EPRS1: variants seen among roughly 807,000 people sequenced by gnomAD.
EPRS1 encodes glutamyl-prolyl-tRNA synthetase 1.
A neutral mutation model predicts 188.3 loss-of-function variants in EPRS1; 107 were observed. The ratio of observed to expected loss-of-function variants is 0.57; its 90% CI spans 0.49 to 0.67. The LOEUF is 0.67. EPRS1 is among the 30% of genes least tolerant of loss of function. The pLI is 0.00. For missense variants in EPRS1, 1,577 were observed against 1,802.2 expected (o/e 0.88, Z 2.26); for synonymous variants, 596 against 593.1 (o/e 1.00, Z -0.07).
rs368115475 is a variant in EPRS1 at position 220,032,552 on chromosome 1, A to G, written c.389-26T>C. 2.2e-5 allele frequency: 35 copies of G among 1,609,984 alleles called. No individual in the cohort carries two copies. In the African/African-American group the frequency reaches 4.0e-4, roughly 18 times the overall value. ...CTATGAGCAAAGATAATTTTAAACTATTCAATAAATCTGCAGCTTCAAAAG... is the reference window on the plus strand; with the variant it reads ...CTATGAGCAAAGATAATTTTAAACTGTTCAATAAATCTGCAGCTTCAAAAG... On this transcript the variant is annotated intron_variant, in intron 4 of 31. Coordinates refer to ENST00000366923, the MANE Select transcript of EPRS1 (RefSeq NM_004446.3).
intron 1 of EPRS1, among the ~76,000 whole-genome samples, chr1:220,041,788 C>T (rs1227750210): frequency 1.3e-5 from 2 of 151,584 alleles, no homozygotes; most frequent in Non-Finnish European, 2.9e-5. Context: ...TGTGGCAAGC[C>T]AAGATTGCAC....
intron 14 of EPRS1, 60 bp downstream of exon 14, chr1:220,007,142 T>G: frequency 6.9e-7 from 1 of 1,448,830 alleles, no homozygotes; most frequent in Non-Finnish European, 9.4e-7. Context: ...GTTTAATAAG[T>G]AAACACAAAT....
chr1:220,028,842 G>C (rs1375934485), intron 6 of EPRS1, among the ~76,000 whole-genome samples: 1 of 152,048 alleles, frequency 6.6e-6, no homozygotes, highest in African/African-American at 2.4e-5. Context: ...TGAAAAAATA[G>C]TAATTAAAGA....
At position 219,983,375 on chromosome 1, in the gene EPRS1, A is replaced by C; in HGVS notation, c.3114T>G (p.Ile1038Met). ...AACAGCCACTTATGTCATGGTATTC[A>C]ATCATTTCTGACTTTGTGATGACCT... Reference protein sequence around the residue: ...YSQVITKSEMIEYHDISGCYI... With the variant: ...YSQVITKSEMMEYHDISGCYI... Residue 1038 changes from isoleucine (I) to methionine (M), a missense_variant, in exon 22 of 32, where the codon ATT becomes ATG. Physicochemically the swap from Ile to Met is conservative, Grantham distance 10 (BLOSUM62 1). Coordinates refer to ENST00000366923, the MANE Select transcript of EPRS1 (RefSeq NM_004446.3). 1 of 1,613,208 alleles carries C rather than the reference A, an allele frequency of 6.2e-7. No individual in the cohort carries two copies. The highest frequency in any genetic ancestry group is 1.7e-5 in the Admixed American group (1 of 59,942).
chr1:219,986,741 T>G (rs928641979), intron 20 of EPRS1, among the ~76,000 whole-genome samples: 1 of 152,046 alleles, frequency 6.6e-6, no homozygotes, highest in Non-Finnish European at 1.5e-5. Context: ...TGTGTATAAT[T>G]AGGCTACCAA....
chr1:220,016,134 G>T (rs112300193), intron 12 of EPRS1, among the ~76,000 whole-genome samples: 1 of 151,884 alleles, frequency 6.6e-6, no homozygotes, highest in Non-Finnish European at 1.5e-5. Flanking sequence ...TCACGAGGTC[G>T]GGAGTTCGAG....
At chr1:220,043,480 T>C (rs766548291) in intron 1 of EPRS1, among the ~76,000 whole-genome samples, 4 of 152,064 alleles carry the variant, frequency 2.6e-5, no homozygotes, top group Non-Finnish European at 4.4e-5. Flanking sequence ...GCAAACATCA[T>C]AAAATCATAA....
intron 30 of EPRS1, among the ~76,000 whole-genome samples, chr1:219,970,749 G>A (rs1296482194): frequency 1.4e-5 from 2 of 147,526 alleles, no homozygotes; most frequent in Admixed American, 6.8e-5. Flanking sequence ...CTGTACTCCA[G>A]CCTGGGCAAC....
intron 10 of EPRS1, among the ~76,000 whole-genome samples, chr1:220,019,509 A>G (rs528177702): frequency 6.6e-6 from 1 of 152,360 alleles, no homozygotes; most frequent in East Asian, 1.9e-4. Context: ...AAATATATGT[A>G]GGAAATTAAT....
At chr1:219,978,483 C>A in intron 28 of EPRS1, 63 bp downstream of exon 28, 1 of 1,281,736 alleles carries the variant, frequency 7.8e-7, no homozygotes, top group Non-Finnish European at 1.1e-6. Flanking sequence ...TAAAAACATG[C>A]AGAGGAAAAT....
chr1:219,969,156 T>C (rs1558267409), intron 30 of EPRS1, 34 bp from the exon 31 acceptor site: 2 of 1,376,852 alleles, frequency 1.5e-6, no homozygotes, highest in Non-Finnish European at 2.1e-6. Flanking sequence ...TCAGTATTTA[T>C]AACTCCTTCA....
At chr1:219,996,477 G>GTGCTCTGAATCTA (rs1403206249) in intron 18 of EPRS1, among the ~76,000 whole-genome samples, 3 of 152,228 alleles carry the variant, frequency 2.0e-5, no homozygotes, top group African/African-American at 7.2e-5. Context: ...TATTCTCCAC[G>GTGCTCTGAATCTA]TGCTCTGAAT....
chr1:220,025,063 A>G, intron 7 of EPRS1, 69 bp downstream of exon 7: 1 of 1,405,118 alleles, frequency 7.1e-7, no homozygotes, highest in Non-Finnish European at 1.0e-6. Flanking sequence ...CATACCATGA[A>G]GGTATTAGGT....
intron 17 of EPRS1, among the ~76,000 whole-genome samples, chr1:219,998,995 GA>G (rs1661292180): frequency 6.7e-6 from 1 of 148,154 alleles, no homozygotes; most frequent in East Asian, 2.0e-4. Context: ...GTCAAATAAA[GA>G]AGCATGCAGG....
At chr1:220,040,149 A>G in intron 2 of EPRS1, 36 bp downstream of exon 2, 1 of 1,348,256 alleles carries the variant, frequency 7.4e-7, no homozygotes, top group East Asian at 2.3e-5. Context: ...AGAAAAAGCC[A>G]ATCAGTACTG....
chr1:219,986,526 G>C (rs1661009093), intron 20 of EPRS1, among the ~76,000 whole-genome samples: 1 of 152,102 alleles, frequency 6.6e-6, no homozygotes, highest in Admixed American at 6.6e-5. Context: ...GTCCACTGTT[G>C]ACTGACACAT....
chr1:220,008,107 CAA>C (rs55642831), intron 13 of EPRS1, among the ~76,000 whole-genome samples: 41 of 133,334 alleles, frequency 3.1e-4, no homozygotes, highest in African/African-American at 1.1e-3. Flanking sequence ...ACTCCGTCAC[CAA>C]AAAAAAAAAA....
Position 220,032,461 on chromosome 1 carries a change from C to G in EPRS1, c.454G>C (p.Gly152Arg). Residue 152 changes from glycine (G) to arginine (R), a missense_variant, in exon 5 of 32, where the codon GGC becomes CGC. Coordinates refer to ENST00000366923, the MANE Select transcript of EPRS1 (RefSeq NM_004446.3). ...AAGGCCTGCTGGGCTTCAAGAAAGCCAAACCAACGTTTTACATGAACTGGA... is the reference window on the plus strand; with the variant it reads ...AAGGCCTGCTGGGCTTCAAGAAAGCGAAACCAACGTTTTACATGAACTGGA... Reference protein sequence around the residue: ...KAPVHVKRWFGFLEAQQAFQS... With the variant: ...KAPVHVKRWFRFLEAQQAFQS... 4 of 1,613,818 alleles carry G rather than the reference C, an allele frequency of 2.5e-6. No homozygotes were observed. The highest frequency in any genetic ancestry group is 3.4e-6 in the Non-Finnish European group (4 of 1,179,928).
intron 27 of EPRS1, among the ~76,000 whole-genome samples, chr1:219,979,208 T>G (rs1012961149): frequency 6.6e-6 from 1 of 152,238 alleles, no homozygotes; most frequent in African/African-American, 2.4e-5. Context: ...AATGTTTATA[T>G]AAGTAGCTTA....
Sources: allele counts gnomAD v4.1 joint callset (sites outside exome capture counted in the v4.1 genomes callset), GRCh38; gene constraint gnomAD v4.1.1; transcripts MANE v1.5; gene names NCBI Gene and HGNC (gene_info 2026-07-23, HGNC 2026-07-21).